TEP1: variants seen among roughly 807,000 people sequenced by gnomAD.
TEP1 encodes telomerase associated protein 1.
TEP1 carries 241 observed loss-of-function variants against 306.3 expected under a neutral mutation model. That is an observed-to-expected ratio of 0.79 (90% CI 0.71 to 0.88). TEP1 has a LOEUF of 0.88. Among genes scored for constraint, TEP1 ranks in the 40% least tolerant of loss-of-function variants. The pLI is 0.00. For synonymous variants in TEP1, 1,289 were observed against 1,305.5 expected, an observed-to-expected ratio of 0.99 and a Z score of 0.27; for missense variants, 3,051 against 3,276.1, an observed-to-expected ratio of 0.93 and a Z score of 1.68.
chr14:20,381,877 G>A lies in TEP1; in HGVS notation c.4424+36C>T. The stretch of plus-strand genomic sequence containing the variant: ...CCCGGCTCAAAGAAGGGAAGGCACA[G>A]AGAGGTCAGCGGGAGCTCTGCTGGG... On this transcript the variant is annotated intron_variant, in intron 30 of 54. Coordinates refer to ENST00000262715, the MANE Select transcript of TEP1 (RefSeq NM_007110.5). This position sits in a 1 kb window ranked among gnomAD's most constrained non-coding sequence, Gnocchi z 4.0. 6.2e-7 allele frequency: 1 copy of A among 1,609,692 alleles called. No homozygotes were observed. Among genetic ancestry groups the A allele is most frequent in the Non-Finnish European group, 8.5e-7 (1 of 1,177,830 alleles).
At chr14:20,395,744 C>G in intron 11 of TEP1, 115 bp downstream of exon 11, 1 of 1,496,230 alleles carries the variant, frequency 6.7e-7, no homozygotes, top group Non-Finnish European at 9.1e-7. Flanking sequence ...ACCTCTGCCC[C>G]CCACCCCGAT....
chr14:20,382,101 T>G, intron 29 of TEP1, 38 bp from the exon 30 acceptor site: 1 of 1,612,456 alleles, frequency 6.2e-7, no homozygotes, highest in Non-Finnish European at 8.5e-7. Context: ...CATCTAACCA[T>G]ACGGTGTCCC....
rs202032619 is a variant in TEP1, at chr14:20,381,660, C to T, written c.4451G>A (p.Arg1484His). The change falls in exon 31 of 55, where the codon CGC becomes CAC. Residue 1484 changes from arginine to histidine, a missense_variant. Around this residue, in one of 3 missense-constraint regions of TEP1, gnomAD observed 1,540 missense variants for 1,705.9 expected, o/e 0.90. Transcript: ENST00000262715. The surrounding 1 kb of genome is among the most constrained non-coding windows in gnomAD (Gnocchi z 4.0). The part of the protein sequence containing the change: ...RSLLGEGPLE[R>H]PGARLCLPDG... ...AGGGAGGCACAGCCGGGCACCAGGG[C>T]GCTCCAGAGGGCCCTCCCCTAGCAA... 2.2e-4 allele frequency: 356 copies of T among 1,612,022 alleles called. 3 individuals are homozygous for T. The South Asian group carries it at 3.3e-3, about 15-fold the overall frequency.
rs755178606 is a variant in TEP1, at chr14:20,403,773, G to A, written c.1144C>T (p.Pro382Ser). The A allele has an allele frequency of 6.2e-7, 1 of 1,614,140 alleles. No homozygotes were observed. The highest frequency in any genetic ancestry group is 8.5e-7 in the Non-Finnish European group (1 of 1,180,042). ...TGTCTCTTGGCCCGGTGCTTCCGAG[G>A]GTTGTACTTAGCCAGCTGGTACTCG... is the stretch of plus-strand genomic sequence containing the variant. The part of the protein sequence containing the change: ...FDEYQLAKYN[P>S]RKHRAKRHPR... The change falls in exon 6 of 55, where the codon CCT (proline) becomes TCT (serine). Residue 382 changes from proline (P) to serine (S), a missense_variant. Physicochemically the swap from Pro to Ser is moderately conservative, Grantham distance 74. Transcript: ENST00000262715.
chr14:20,401,707 G>T, intron 7 of TEP1, 126 bp from the exon 8 acceptor site: 1 of 1,414,382 alleles, frequency 7.1e-7, no homozygotes, highest in Non-Finnish European at 9.6e-7. Flanking sequence ...AAATAGATTT[G>T]GCCAAGGAGC....
rs1879332767 is a variant in TEP1, at chr14:20,408,062, G to A, written c.378C>T (p.Pro126=). ...SSLKSTVSAS[P]LFQSLQISHM... ...GAGATATCTGTAGACTCTGGAACAA[G>A]GGGCTGGCAGACACAGTGCTCTTTA... The change falls in exon 2 of 55, where the codon CCC becomes CCT. Residue 126 remains proline, a synonymous_variant. Transcript: ENST00000262715. 2 of 1,614,086 alleles carry A rather than the reference G, an allele frequency of 1.2e-6. No individual in the cohort carries two copies. Among genetic ancestry groups the A allele is most frequent in the Non-Finnish European group, 1.7e-6 (2 of 1,180,042 alleles).
At chr14:20,368,764 G>GCACGCACACA in intron 54 of TEP1, 34 bp downstream of exon 54, 1 of 1,343,574 alleles carries the variant, frequency 7.4e-7, no homozygotes, top group Non-Finnish European at 1.1e-6. Context: ...GCAGGCGCAC[G>GCACGCACACA]CACACACACA....
chr14:20,375,946 T>C (rs1885149459), intron 42 of TEP1, 78 bp from the exon 43 acceptor site: 1 of 1,505,892 alleles, frequency 6.6e-7, no homozygotes, highest in Non-Finnish European at 9.2e-7. Context: ...AGGCAAGAAA[T>C]TTCAAGGAAA....
At chr14:20,404,871 T>C in intron 4 of TEP1, 99 bp from the exon 5 acceptor site, 2 of 1,364,464 alleles carry the variant, frequency 1.5e-6, no homozygotes, top group South Asian at 3.0e-5. Context: ...ATAAAACCTT[T>C]CCTGAGCCCT....
chr14:20,405,442 C>T lies in TEP1; in HGVS notation c.870+9G>A. 1 of 1,613,796 alleles carries T rather than the reference C, an allele frequency of 6.2e-7. No homozygotes were observed. Among genetic ancestry groups the T allele is most frequent in the Non-Finnish European group, 8.5e-7 (1 of 1,179,902 alleles). The stretch of plus-strand genomic sequence containing the variant: ...TCACACCCCCATCCCCTCCTTCACA[C>T]CTCAATACCTTGAGGATAAACTCAG... On this transcript the variant is annotated intron_variant, in intron 4 of 54. Transcript: ENST00000262715.
rs145695515 is a variant in TEP1, at chr14:20,379,673, G to A, written c.5127+257C>T. Among the ~76,000 whole-genome samples the A allele has an allele frequency of 1.1e-4, 17 of 152,290 alleles. No homozygotes were observed. The East Asian group carries it at 3.3e-3, about 29-fold the overall frequency. On this transcript the variant is annotated intron_variant, in intron 35 of 54. Transcript: ENST00000262715. Reference sequence around the variant, plus strand: ...GTATGTCTTATCTCCCAACAAAACTGACCACTTGGTGGGCAATGACAATGT... The same window carrying A: ...GTATGTCTTATCTCCCAACAAAACTAACCACTTGGTGGGCAATGACAATGT...
chr14:20,405,709 G>T lies in TEP1; in HGVS notation c.736-124C>A. Reference sequence around the variant, plus strand: ...TGGACCCGAGATGTGGAGTCCAGTTGAGAACTTACAAAAGGGGATTAGGGC... The same window carrying T: ...TGGACCCGAGATGTGGAGTCCAGTTTAGAACTTACAAAAGGGGATTAGGGC... On this transcript the variant is annotated intron_variant, in intron 3 of 54. Coordinates refer to ENST00000262715, the MANE Select transcript of TEP1 (RefSeq NM_007110.5). 4.2e-6 allele frequency: 5 copies of T among 1,176,926 alleles called. No individual in the cohort carries two copies. The East Asian group carries it at 1.3e-4, about 30-fold the overall frequency. 72.9% of individuals were successfully genotyped at this position (1,176,926 alleles called of 1,614,324 possible).
intron 8 of TEP1, 79 bp downstream of exon 8, chr14:20,401,378 T>G: frequency 6.3e-7 from 1 of 1,580,102 alleles, no homozygotes; most frequent in Non-Finnish European, 8.6e-7. Flanking sequence ...GTTTGAGAAC[T>G]ACTGGGATGG....
chr14:20,408,371 AGCCAGGCACC>A lies in TEP1; in HGVS notation c.59_68del (p.Arg20LeufsTer25). On this transcript the variant is annotated frameshift_variant, in exon 2 of 55. Transcript: ENST00000262715. LOFTEE classifies it high-confidence loss of function. ...CCAAGGGCTGTAAGTCAGGGAGCAT[AGCCAGGCACC>A]GGTTCTCCAAGGAGAGGATGTCTGG... 1 of 1,595,872 alleles carries A rather than the reference AGCCAGGCACC, an allele frequency of 6.3e-7. No individual in the cohort carries two copies. The highest frequency in any genetic ancestry group is 8.5e-7 in the Non-Finnish European group (1 of 1,173,944).
At chr14:20,384,820 A>C (rs1876981313) in intron 21 of TEP1, 107 bp from the exon 22 acceptor site, 1 of 1,475,304 alleles carries the variant, frequency 6.8e-7, no homozygotes, top group African/African-American at 1.4e-5. Flanking sequence ...TCAAGTAGAG[A>C]GCTCCTGACT....
rs753190676 is a variant in TEP1, at chr14:20,377,643, A to G, written c.5832T>C (p.Val1944=). 6.2e-7 allele frequency: 1 copy of G among 1,614,038 alleles called. No individual in the cohort carries two copies. Among genetic ancestry groups the G allele is most frequent in the Admixed American group, 1.7e-5 (1 of 60,002 alleles). ...TCCTAATGCCATCCGCTCGATATCC[A>G]ACAGCCACCCGATCACCATCTGGGC... is the stretch of plus-strand genomic sequence containing the variant. The part of the protein sequence containing the change: ...ALSPDGDRVA[V]GYRADGIRIY... Residue 1944 remains valine (V), a synonymous_variant, in exon 40 of 55, where the codon GTT becomes GTC. Transcript: ENST00000262715.
At position 20,388,046 on chromosome 14, in the gene TEP1, C is replaced by T; in HGVS notation, c.2543G>A (p.Gly848Glu). ...DAILKFIAEH[G>E]ASHLLEHVGQ... ...CACATGTTCCAGAAGATGGGAGGCC[C>T]CATGCTCTGCAATGAACCTGACATA... The change falls in exon 18 of 55, where the codon GGG becomes GAG. Residue 848 changes from glycine to glutamate, a missense_variant. Transcript: ENST00000262715. The T allele has an allele frequency of 6.2e-7, 1 of 1,614,002 alleles. No individual in the cohort carries two copies. Among genetic ancestry groups the T allele is most frequent in the Non-Finnish European group, 8.5e-7 (1 of 1,179,990 alleles).
rs376564560 is a variant in TEP1 at position 20,382,266 on chromosome 14, C to T, written c.4231G>A (p.Val1411Ile). Residue 1411 changes from valine (V) to isoleucine (I), a missense_variant, in exon 29 of 55, where the codon GTC becomes ATC. By Grantham distance (29) the Val-to-Ile change is conservative. Coordinates refer to ENST00000262715, the MANE Select transcript of TEP1 (RefSeq NM_007110.5). ...AGGGCAGTCAAGGCCTGGGGAAGGA[C>T]ATCAGGCCCGTGCTCCTTCTCCAGT... The part of the protein sequence containing the change: ...STLEKEHGPD[V>I]LPQALTALEV... 4 of 1,614,030 alleles carry T rather than the reference C, an allele frequency of 2.5e-6. No individual in the cohort carries two copies. Among genetic ancestry groups the T allele is most frequent in the East Asian group, 2.2e-5 (1 of 44,896 alleles).
rs775493633 is a variant in TEP1 at position 20,386,490 on chromosome 14, C to T, written c.2818G>A (p.Asp940Asn). Reference protein sequence around the residue: ...APHRISLHGIDLRWGVTEEET... With the variant: ...APHRISLHGINLRWGVTEEET... ...TCCTCAGTGACGCCCCAGCGGAGGT[C>T]GATTCCGTGAAGGCTGATACGGTGA... The change falls in exon 19 of 55, where the codon GAC becomes AAC. Residue 940 changes from aspartate (D) to asparagine (N), a missense_variant. Physicochemically the swap from Asp to Asn is conservative, Grantham distance 23. This residue lies in a region of TEP1 where 1,507 missense variants were observed against 1,550.5 expected (regional missense o/e 0.97). Coordinates refer to ENST00000262715, the MANE Select transcript of TEP1 (RefSeq NM_007110.5). 2.5e-5 allele frequency: 40 copies of T among 1,611,810 alleles called. No homozygotes were observed. Among genetic ancestry groups the T allele is most frequent in the Non-Finnish European group, 3.1e-5 (37 of 1,178,932 alleles).
Sources: allele counts gnomAD v4.1 joint callset (sites outside exome capture counted in the v4.1 genomes callset), GRCh38; gene constraint gnomAD v4.1.1; regional missense constraint gnomAD v4.1.1; non-coding constraint Gnocchi (gnomAD v3.1); transcripts MANE v1.5; gene names NCBI Gene and HGNC (gene_info 2026-07-23, HGNC 2026-07-21).